PLCB1: variants seen among roughly 807,000 people sequenced by gnomAD.
PLCB1 encodes the protein 1-phosphatidylinositol 4,5-bisphosphate phosphodiesterase beta-1.
Under a neutral mutation model 161.8 loss-of-function variants are expected in PLCB1, and 46 were observed. The ratio of observed to expected loss-of-function variants is 0.28; its 90% CI spans 0.22 to 0.36. The LOEUF is 0.36. Among genes scored for constraint, PLCB1 ranks in the 10% least tolerant of loss-of-function variants. PLCB1 has a pLI of 1.00. For synonymous variants in PLCB1, 517 were observed against 503.7 expected (o/e 1.03, Z -0.35); for missense variants, 1,016 against 1,472.5 (o/e 0.69, Z 5.07).
intron 3 of PLCB1, among the ~76,000 whole-genome samples, chr20:8,601,940 C>T (rs970137769): frequency 6.6e-6 from 1 of 152,280 alleles, no homozygotes; most frequent in Admixed American, 6.5e-5. Context: ...TCAATCCCTT[C>T]CTCTTTCCCT....
chr20:8,382,237 T>C (rs1368374620), intron 3 of PLCB1, among the ~76,000 whole-genome samples: 1 of 152,002 alleles, frequency 6.6e-6, no homozygotes, highest in African/African-American at 2.4e-5. Context: ...AGGAGCAGGT[T>C]GTTCAATTTC....
At chr20:8,854,305 A>G (rs1411361111) in intron 31 of PLCB1, among the ~76,000 whole-genome samples, 4 of 152,146 alleles carry the variant, frequency 2.6e-5, no homozygotes, top group Non-Finnish European at 5.9e-5. Context: ...GTTATTAGGA[A>G]GCCGAGAATC....
chr20:8,432,293 G>A (rs369650477), intron 3 of PLCB1, among the ~76,000 whole-genome samples: 34 of 152,236 alleles, frequency 2.2e-4, no homozygotes, highest in African/African-American at 7.9e-4. Flanking sequence ...GGCTTCCCCC[G>A]CTGCAAACAG....
At chr20:8,544,370 G>A (rs754398839) in intron 3 of PLCB1, among the ~76,000 whole-genome samples, 12 of 152,132 alleles carry the variant, frequency 7.9e-5, no homozygotes, top group Non-Finnish European at 1.3e-4. Flanking sequence ...AAGTGATACC[G>A]AAATGCAAAA....
At chr20:8,791,898 C>G (rs1433964494) in intron 31 of PLCB1, among the ~76,000 whole-genome samples, 2 of 152,134 alleles carry the variant, frequency 1.3e-5, no homozygotes, top group African/African-American at 4.8e-5. Context: ...GATTTATTAA[C>G]AGTCAGGGTG....
intron 27 of PLCB1, among the ~76,000 whole-genome samples, chr20:8,781,402 A>T (rs1280683705): frequency 2.4e-5 from 2 of 84,068 alleles, no homozygotes; most frequent in African/African-American, 9.0e-5. Context: ...ACACAAACAC[A>T]CACACACACA....
intron 2 of PLCB1, among the ~76,000 whole-genome samples, chr20:8,276,537 C>T (rs1982554838): frequency 6.6e-6 from 1 of 152,132 alleles, no homozygotes; most frequent in Admixed American, 6.6e-5. Context: ...TGGAAATTTC[C>T]TCATGGATTT....
intron 2 of PLCB1, among the ~76,000 whole-genome samples, chr20:8,157,581 A>T (rs2051574935): frequency 1.3e-5 from 2 of 152,250 alleles, no homozygotes; most frequent in African/African-American, 4.8e-5. Context: ...CTCCTCAGAG[A>T]TTTTGCACCA....
At position 8,759,896 on chromosome 20, in the gene PLCB1, A is replaced by T. The variant is rs891508627; in HGVS notation, c.2657-511A>T. On this transcript the variant is annotated intron_variant, in intron 24 of 31. Transcript: ENST00000338037. ...TTATAAATGGGGCATATAATATCAC[A>T]TTTTTTTTTTTTTTTTTTTTTTGGA... is the stretch of plus-strand genomic sequence containing the variant. Among the ~76,000 whole-genome samples, 101 of 78,252 alleles carry T rather than the reference A, an allele frequency of 1.3e-3. 3 individuals are homozygous for T. Among genetic ancestry groups the T allele is most frequent in the South Asian group, 3.5e-3 (7 of 2,018 alleles). 51.3% of individuals were successfully genotyped at this position (78,252 alleles called of 152,430 possible).
At chr20:8,690,880 A>C (rs1990462592) in intron 10 of PLCB1, among the ~76,000 whole-genome samples, 1 of 152,212 alleles carries the variant, frequency 6.6e-6, no homozygotes, top group Non-Finnish European at 1.5e-5. Flanking sequence ...GGTTAGAAGC[A>C]AGATGGAGTC....
chr20:8,473,333 A>C lies in PLCB1; in HGVS notation c.246+101883A>C, dbSNP rs544226092. ...ACATGCACGCACACATTAATTATAC[A>C]TTAGTCTTAGGCTAATAATTAATAT... On this transcript the variant is annotated intron_variant, in intron 3 of 31. Coordinates refer to ENST00000338037, the MANE Select transcript of PLCB1 (RefSeq NM_015192.4). 2.6e-5 allele frequency among the ~76,000 whole-genome samples: 4 copies of C among 152,340 alleles called. No individual in the cohort carries two copies. In the South Asian group the frequency reaches 8.3e-4, roughly 32 times the overall value.
chr20:8,671,911 G>A (rs1227071457), intron 9 of PLCB1, among the ~76,000 whole-genome samples: 1 of 152,128 alleles, frequency 6.6e-6, no homozygotes, highest in East Asian at 1.9e-4. Flanking sequence ...CTAAGCCTCC[G>A]TGTACTCAAC....
chr20:8,162,260 C>T (rs1239639857), intron 2 of PLCB1, among the ~76,000 whole-genome samples: 1 of 152,140 alleles, frequency 6.6e-6, no homozygotes, highest in Non-Finnish European at 1.5e-5. Context: ...GTTTAGATCA[C>T]AGTACTGTGT....
intron 2 of PLCB1, among the ~76,000 whole-genome samples, chr20:8,182,653 T>C (rs541180806): frequency 6.6e-6 from 1 of 151,324 alleles, no homozygotes; most frequent in South Asian, 2.1e-4. Context: ...CGATCTCGGC[T>C]CACTGCAACC....
Position 8,541,605 on chromosome 20 carries a change from A to AAAGAAAGAAAGAAAGAAAGG in PLCB1, c.247-86686_247-86685insAAAGAAAGAAAGAAAGGAAG, listed in dbSNP as rs796318352. On this transcript the variant is annotated intron_variant, in intron 3 of 31. Transcript: ENST00000338037. ...GAAAGAAAGAAAGAAAGAAAGAAAG[A>AAAGAAAGAAAGAAAGAAAGG]AAGGAAGGAAGATAGTAATGAAATG... Among the ~76,000 whole-genome samples the AAAGAAAGAAAGAAAGAAAGG allele has an allele frequency of 2.5e-3, 374 of 149,914 alleles. 4 individuals carry two copies. Among genetic ancestry groups the AAAGAAAGAAAGAAAGAAAGG allele is most frequent in the African/African-American group, 7.2e-3 (293 of 40,592 alleles).
chr20:8,463,173 G>GTGTGTC (rs1555808942), intron 3 of PLCB1, among the ~76,000 whole-genome samples: 3 of 151,422 alleles, frequency 2.0e-5, no homozygotes, highest in African/African-American at 7.3e-5. Flanking sequence ...GTGTGTGTGT[G>GTGTGTC]TGTGTGTGTC....
chr20:8,555,256 A>G (rs1049389636), intron 3 of PLCB1, among the ~76,000 whole-genome samples: 12 of 152,090 alleles, frequency 7.9e-5, no homozygotes, highest in African/African-American at 2.9e-4. Flanking sequence ...TATCCTTAAT[A>G]GGGTTGAATG....
chr20:8,299,961 A>T (rs1331504552), intron 2 of PLCB1, among the ~76,000 whole-genome samples: 8 of 152,198 alleles, frequency 5.3e-5, no homozygotes, highest in Non-Finnish European at 8.8e-5. Flanking sequence ...AATGTTGTGT[A>T]GCAACAACAA....
At chr20:8,771,644 A>G (rs1195242350) in intron 26 of PLCB1, among the ~76,000 whole-genome samples, 3 of 152,080 alleles carry the variant, frequency 2.0e-5, no homozygotes, top group African/African-American at 7.2e-5. Flanking sequence ...GACGTTGTTC[A>G]CTTGTTTTTT....
Sources: allele counts gnomAD v4.1 joint callset (sites outside exome capture counted in the v4.1 genomes callset), GRCh38; gene constraint gnomAD v4.1.1; transcripts MANE v1.5; gene names NCBI Gene and HGNC (gene_info 2026-07-23, HGNC 2026-07-21).